The following SLC35D2 variants were observed in gnomAD, a reference collection of about 807,000 sequenced individuals.
The protein encoded by SLC35D2 is nucleotide sugar transporter SLC35D2.
SLC35D2 carries 43 observed loss-of-function variants against 41.8 expected under a neutral mutation model. That is an observed-to-expected ratio of 1.03 (90% CI 0.81 to 1.33). The LOEUF is 1.33. Among genes scored for constraint, SLC35D2 ranks in the 40% most tolerant of loss-of-function variants. The pLI, the probability that SLC35D2 is intolerant of heterozygous loss-of-function variation, is 0.00. For synonymous variants in SLC35D2, 150 were observed against 163.9 expected (o/e 0.92, Z 0.65); for missense variants, 380 against 408.4 (o/e 0.93, Z 0.60).
chr9:96,324,247 C>A, intron 9 of SLC35D2, 78 bp from the exon 10 acceptor site: 3 of 1,141,754 alleles, frequency 2.6e-6, no homozygotes, highest in Non-Finnish European at 3.9e-6. Flanking sequence ...CCAGCAGTGA[C>A]CCCCACACAA....
intron 9 of SLC35D2, among the ~76,000 whole-genome samples, chr9:96,326,765 C>T (rs561205488): frequency 1.9e-4 from 29 of 148,764 alleles, no homozygotes; most frequent in African/African-American, 7.2e-4. Flanking sequence ...GGGATCGCAC[C>T]ACTGCACTTT....
rs768870689 is a variant in SLC35D2 at position 96,336,593 on chromosome 9, T to C, written c.752+124A>G. The C allele has an allele frequency of 8.6e-5, 57 of 665,010 alleles. 1 individual carries two copies. Among genetic ancestry groups the C allele is most frequent in the Non-Finnish European group, 1.3e-4 (50 of 382,370 alleles). The allele number at this position is 665,010 out of a possible 1,614,324, so 41.2% of individuals were successfully genotyped here. A position where few individuals can be genotyped will look rare whatever the true frequency, so the allele number is the denominator to read the frequency against. On this transcript the variant is annotated intron_variant, in intron 9 of 11. Coordinates refer to ENST00000253270, the MANE Select transcript of SLC35D2 (RefSeq NM_007001.3). ...CCTGACACCTCCTTTGCTGCAGGGG[T>C]ACTTTCCAGAGAAAGTCAGAGAAAC...
chr9:96,339,053 C>G lies in SLC35D2; in HGVS notation c.685-2269G>C, dbSNP rs548836877. ...ATATGTGTTCCTGATACTACAAAAT[C>G]CATTGAGGGCTATTTTGTGACTCTC... On this transcript the variant is annotated intron_variant, in intron 8 of 11. Coordinates refer to ENST00000253270, the MANE Select transcript of SLC35D2 (RefSeq NM_007001.3). 4.3e-4 allele frequency among the ~76,000 whole-genome samples: 65 copies of G among 152,250 alleles called. 1 individual carries two copies. In the South Asian group the frequency reaches 0.013, roughly 31 times the overall value.
chr9:96,382,494 C>CTATATATATAT (rs1163434644), intron 1 of SLC35D2, among the ~76,000 whole-genome samples: 2 of 143,652 alleles, frequency 1.4e-5, no homozygotes, highest in African/African-American at 2.7e-5. Context: ...CACACACACA[C>CTATATATATAT]ACTATATATA....
intron 7 of SLC35D2, among the ~76,000 whole-genome samples, chr9:96,344,542 GA>G (rs755135394): frequency 0.19 from 7,161 of 37,658 alleles, 550 homozygotes; most frequent in African/African-American, 0.26. Flanking sequence ...CCATGCAGGG[GA>G]AAAAAAAAAA....
At chr9:96,351,872 C>T (rs1429431737) in intron 5 of SLC35D2, among the ~76,000 whole-genome samples, 166 bp downstream of exon 5, 1 of 152,130 alleles carries the variant, frequency 6.6e-6, no homozygotes, top group Non-Finnish European at 1.5e-5. Flanking sequence ...TTAAAAAATC[C>T]CTCATTAAGT....
At chr9:96,318,010 T>C (rs1414546435), downstream of SLC35D2, among the ~76,000 whole-genome samples, 2 of 145,914 alleles carry the variant, frequency 1.4e-5, no homozygotes, top group African/African-American at 5.2e-5. Flanking sequence ...CACTCCAGAC[T>C]GGGAGACAGA....
At chr9:96,318,407 G>A (rs563967151), downstream of SLC35D2, among the ~76,000 whole-genome samples, 5 of 152,128 alleles carry the variant, frequency 3.3e-5, no homozygotes, top group South Asian at 8.3e-4. Context: ...GCAGTGAGCC[G>A]AGATCATGCA....
At chr9:96,327,591 G>A in intron 9 of SLC35D2, among the ~76,000 whole-genome samples, 1 of 152,098 alleles carries the variant, frequency 6.6e-6, no homozygotes, top group Admixed American at 6.6e-5. Flanking sequence ...CGGCTAGATA[G>A]AAGGGCTGCA....
At chr9:96,358,807 G>A (rs1338563938) in intron 4 of SLC35D2, among the ~76,000 whole-genome samples, 1 of 152,030 alleles carries the variant, frequency 6.6e-6, no homozygotes, top group Non-Finnish European at 1.5e-5. Flanking sequence ...TGGCCAACAT[G>A]GTGAAACCCC....
intron 4 of SLC35D2, among the ~76,000 whole-genome samples, chr9:96,359,824 T>C (rs924766892): frequency 1.3e-5 from 2 of 152,160 alleles, no homozygotes; most frequent in Non-Finnish European, 2.9e-5. Context: ...CCTGCTCTTA[T>C]AAAACTGAGA....
chr9:96,373,749 C>G (rs1830814228), intron 1 of SLC35D2, among the ~76,000 whole-genome samples: 1 of 152,024 alleles, frequency 6.6e-6, no homozygotes. Context: ...CCAAGGAAAC[C>G]CAGAAGTGTT....
At chr9:96,324,424 G>C (rs1272275127) in intron 9 of SLC35D2, among the ~76,000 whole-genome samples, 1 of 152,004 alleles carries the variant, frequency 6.6e-6, no homozygotes, top group Non-Finnish European at 1.5e-5. Flanking sequence ...TCCAATGAAT[G>C]TTTCCACAAC....
At chr9:96,363,639 A>G in intron 3 of SLC35D2, among the ~76,000 whole-genome samples, 1 of 152,224 alleles carries the variant, frequency 6.6e-6, no homozygotes, top group East Asian at 1.9e-4. Context: ...GCGTATTTCT[A>G]TGTATATCAA....
chr9:96,322,717 G>GTTT lies in SLC35D2; in HGVS notation c.832-640_832-638dup, dbSNP rs57493593. 4.6e-3 allele frequency among the ~76,000 whole-genome samples: 507 copies of GTTT among 111,368 alleles called. 22 individuals are homozygous for GTTT. Among genetic ancestry groups the GTTT allele is most frequent in the Middle Eastern group, 0.016 (3 of 186 alleles). 73.1% of individuals were successfully genotyped at this position (111,368 alleles called of 152,430 possible). On this transcript the variant is annotated intron_variant, in intron 10 of 11. Coordinates refer to ENST00000253270, the MANE Select transcript of SLC35D2 (RefSeq NM_007001.3). ...TCATTGGGTAGTGAGGTTTTCTGGGGTTTTTTTTTTTTTTTTTTTGAGACA... is the reference window on the plus strand; with the variant it reads ...TCATTGGGTAGTGAGGTTTTCTGGGGTTTTTTTTTTTTTTTTTTTTTTGAGACA...
chr9:96,361,851 T>G lies in SLC35D2; in HGVS notation c.280-1630A>C, dbSNP rs187095827. ...CCAGAAGTCAACCCTGCCAGCACTTTGGTCCTGGACTTCCAGCCTCCAGAA... is the reference window on the plus strand; with the variant it reads ...CCAGAAGTCAACCCTGCCAGCACTTGGGTCCTGGACTTCCAGCCTCCAGAA... On this transcript the variant is annotated intron_variant, in intron 3 of 11. Coordinates refer to ENST00000253270, the MANE Select transcript of SLC35D2 (RefSeq NM_007001.3). 3.9e-5 allele frequency among the ~76,000 whole-genome samples: 6 copies of G among 152,278 alleles called. No homozygotes were observed. In the East Asian group the frequency reaches 1.2e-3, roughly 29 times the overall value.
chr9:96,346,379 G>A (rs1183018297), intron 6 of SLC35D2, among the ~76,000 whole-genome samples: 7 of 152,220 alleles, frequency 4.6e-5, no homozygotes, highest in Admixed American at 1.3e-4. Context: ...TGGTGGAAAT[G>A]ATGAACGAGA....
Position 96,362,991 on chromosome 9 carries a change from C to T in SLC35D2, c.279+1473G>A, listed in dbSNP as rs138664888. Among the ~76,000 whole-genome samples the T allele has an allele frequency of 5.4e-3, 825 of 151,704 alleles. 8 individuals carry two copies. The highest frequency in any genetic ancestry group is 6.2e-3 in the Non-Finnish European group (422 of 67,922). On this transcript the variant is annotated intron_variant, in intron 3 of 11. Transcript: ENST00000253270. ...AATCAATTCTCCTGCCTCAGTCTCC[C>T]GAGTAGCTGGGACTACAGGTGTGCG... is the stretch of plus-strand genomic sequence containing the variant.
intron 6 of SLC35D2, among the ~76,000 whole-genome samples, chr9:96,347,282 G>A (rs527688249): frequency 6.6e-6 from 1 of 152,176 alleles, no homozygotes; most frequent in Non-Finnish European, 1.5e-5. Context: ...CCTCCTGGGA[G>A]AGCTGCAGGG....
Sources: allele counts gnomAD v4.1 joint callset (sites outside exome capture counted in the v4.1 genomes callset), GRCh38; gene constraint gnomAD v4.1.1; transcripts MANE v1.5; gene names NCBI Gene and HGNC (gene_info 2026-07-23, HGNC 2026-07-21).